The following TDRD1 variants were observed in gnomAD, a reference collection of about 807,000 sequenced individuals.
TDRD1 encodes the protein tudor domain containing 1, also known as tudor domain-containing protein 1.
In TDRD1, 37 loss-of-function variants were observed where a neutral mutation model predicts 140.6. The observed-to-expected ratio is 0.26, with a 90% CI of 0.20 to 0.35. TDRD1 has a LOEUF of 0.35. TDRD1 is among the 10% of genes least tolerant of loss of function. TDRD1 has a pLI of 1.00. For missense variants in TDRD1, 1,243 were observed against 1,393.0 expected (o/e 0.89, Z 1.71); for synonymous variants, 506 against 475.7 (o/e 1.06, Z -0.83).
In TDRD1 at chr10:114,219,008, T is replaced by C. The variant is rs530459035; in HGVS notation, c.2494+424T>C. ...CAGATTGGGTAAATGATCCATAAAA[T>C]GGATAATGATAGTACTTATTTTGTA... On this transcript the variant is annotated intron_variant, in intron 18 of 25. Coordinates refer to ENST00000251864, the Ensembl canonical transcript of TDRD1. 3.1e-4 allele frequency among the ~76,000 whole-genome samples: 47 copies of C among 152,292 alleles called. 1 individual carries two copies. The East Asian group carries it at 6.4e-3, about 21-fold the overall frequency.
intron 21 of TDRD1, among the ~76,000 whole-genome samples, chr10:114,225,011 T>A (rs2036352795): frequency 6.6e-6 from 1 of 152,192 alleles, no homozygotes. Context: ...CACTGCAGAC[T>A]CCCAGTGTCG....
chr10:114,208,023 G>A (rs549176305), intron 11 of TDRD1, among the ~76,000 whole-genome samples: 1 of 152,166 alleles, frequency 6.6e-6, no homozygotes, highest in South Asian at 2.1e-4. Flanking sequence ...GCCACACGGA[G>A]CAGGAAATAA....
chr10:114,187,874 T>C, exon 2 of TDRD1: 1 of 1,603,722 alleles, frequency 6.2e-7, no homozygotes, highest in Non-Finnish European at 8.5e-7. Context: ...AAGAAATAAT[T>C]TGGAAGCACC....
chr10:114,212,902 A>G (rs925568585), intron 14 of TDRD1, among the ~76,000 whole-genome samples: 1 of 152,200 alleles, frequency 6.6e-6, no homozygotes, highest in Non-Finnish European at 1.5e-5. Flanking sequence ...GAACATTTCC[A>G]TCACCCTGGT....
chr10:114,203,473 C>G (rs745783399), exon 8 of TDRD1: 2 of 1,614,022 alleles, frequency 1.2e-6, no homozygotes, highest in Non-Finnish European at 1.7e-6. Context: ...AACCAACTCT[C>G]TGCCAGCTTA....
intron 3 of TDRD1, among the ~76,000 whole-genome samples, chr10:114,192,256 G>A (rs1359889471): frequency 3.4e-5 from 2 of 59,630 alleles, no homozygotes; most frequent in Non-Finnish European, 3.6e-5. Flanking sequence ...TCCTGAAAAT[G>A]TTCATTTTTT....
chr10:114,201,662 G>A, intron 5 of TDRD1, 147 bp downstream of exon 5: 1 of 584,968 alleles, frequency 1.7e-6, no homozygotes, highest in Non-Finnish European at 2.9e-6. Context: ...GAAGTGAACA[G>A]CTCTATGAAC....
chr10:114,179,107 G>A (rs1279423923), upstream of TDRD1, among the ~76,000 whole-genome samples: 2 of 152,232 alleles, frequency 1.3e-5, no homozygotes, highest in Non-Finnish European at 2.9e-5. Flanking sequence ...ATTTGCCAAA[G>A]GCGTTGCCAG....
chr10:114,193,287 G>GTT (rs2034111546), intron 3 of TDRD1, among the ~76,000 whole-genome samples: 1 of 121,838 alleles, frequency 8.2e-6, no homozygotes, highest in African/African-American at 3.2e-5. Context: ...CCTTGCTGAA[G>GTT]TCTTTTTTTT....
intron 11 of TDRD1, 61 bp downstream of exon 11, chr10:114,206,391 C>G: frequency 7.4e-7 from 1 of 1,348,740 alleles, no homozygotes; most frequent in Admixed American, 1.8e-5. Context: ...CATCTACCTA[C>G]TAAACAAAGG....
At chr10:114,216,822 A>G (rs561124953) in intron 16 of TDRD1, among the ~76,000 whole-genome samples, 1 of 152,336 alleles carries the variant, frequency 6.6e-6, no homozygotes, top group South Asian at 2.1e-4. Flanking sequence ...GAAACATCTG[A>G]AACATTAGAA....
chr10:114,208,971 A>G (rs1304614942), intron 11 of TDRD1, among the ~76,000 whole-genome samples: 1 of 151,880 alleles, frequency 6.6e-6, no homozygotes, highest in Non-Finnish European at 1.5e-5. Flanking sequence ...TTTAGTAGAG[A>G]CAGTGTTTCA....
intron 3 of TDRD1, among the ~76,000 whole-genome samples, chr10:114,193,513 C>T (rs1301831661): frequency 6.6e-6 from 1 of 152,016 alleles, no homozygotes. Context: ...AGGCCGGTCC[C>T]GAACTCCTGA....
intron 3 of TDRD1, among the ~76,000 whole-genome samples, chr10:114,196,833 CTTTTTTTTTTTT>C (rs36124319): frequency 0.075 from 3,621 of 48,396 alleles, 107 homozygotes; most frequent in Middle Eastern, 0.12. Context: ...TTCTAGCAGT[CTTTTTTTTTTTT>C]TTTTTTTTTT....
chr10:114,216,229 T>C (rs11196655), intron 16 of TDRD1, among the ~76,000 whole-genome samples: 38,320 of 152,060 alleles, frequency 0.25, 5,118 homozygotes, highest in African/African-American at 0.33. Flanking sequence ...GCTAGATTTT[T>C]CACTAGTGTC....
At chr10:114,211,722 G>A (rs2035495813) in intron 13 of TDRD1, 144 bp from the exon 14 acceptor site, 2 of 777,690 alleles carry the variant, frequency 2.6e-6, no homozygotes, top group South Asian at 6.1e-5. Flanking sequence ...CTTCTGATAA[G>A]CAAAATTAGT....
intron 1 of TDRD1, among the ~76,000 whole-genome samples, chr10:114,181,459 T>C (rs2033056978): frequency 1.3e-5 from 2 of 152,234 alleles, no homozygotes; most frequent in Admixed American, 6.5e-5. Flanking sequence ...CACAGTATTA[T>C]GCCATAGGGC....
intron 14 of TDRD1, among the ~76,000 whole-genome samples, chr10:114,212,809 G>T (rs748183548): frequency 1.6e-4 from 25 of 152,080 alleles, no homozygotes; most frequent in Non-Finnish European, 3.1e-4. Flanking sequence ...CTACCATAAT[G>T]TTCACTTTAG....
At chr10:114,180,543 G>A (rs910964676) in intron 1 of TDRD1, among the ~76,000 whole-genome samples, 3 of 152,142 alleles carry the variant, frequency 2.0e-5, no homozygotes, top group African/African-American at 7.2e-5. Flanking sequence ...CCAGCTCACT[G>A]CAACCTCCGC....
Sources: gnomAD v4.1 joint callset for allele counts (sites outside exome capture counted in the v4.1 genomes callset) on GRCh38, gnomAD v4.1.1 for gene constraint, MANE v1.5 for transcripts, NCBI Gene and HGNC (gene_info 2026-07-23, HGNC 2026-07-21) for gene names.